The following APCDD1 variants were observed in gnomAD, a reference collection of about 807,000 sequenced individuals.
APCDD1 encodes APC down-regulated 1.
APCDD1 carries 15 observed loss-of-function variants against 38.1 expected under a neutral mutation model. The ratio of observed to expected loss-of-function variants is 0.39; its 90% CI spans 0.26 to 0.61. APCDD1 has a LOEUF of 0.61. Among genes scored for constraint, APCDD1 ranks in the 20% least tolerant of loss-of-function variants. The pLI is 0.49. For missense variants in APCDD1, 647 were observed against 696.2 expected, an observed-to-expected ratio of 0.93 and a Z score of 0.79; for synonymous variants, 261 against 279.7, an observed-to-expected ratio of 0.93 and a Z score of 0.67.
At chr18:10,462,232 C>T (rs561723445) in intron 1 of APCDD1, among the ~76,000 whole-genome samples, 5 of 152,198 alleles carry the variant, frequency 3.3e-5, no homozygotes, top group East Asian at 1.9e-4. Context: ...TGTACTCACA[C>T]GGGAATGGTT....
In APCDD1 at chr18:10,471,056, G is replaced by A. The variant is rs557904824; in HGVS notation, c.243-474G>A. On this transcript the variant is annotated intron_variant, in intron 2 of 4. Coordinates refer to ENST00000355285, the MANE Select transcript of APCDD1 (RefSeq NM_153000.5). This position sits in a 1 kb window ranked among gnomAD's most constrained non-coding sequence, Gnocchi z 5.5. ...TGTAGACAAGGTCCATAAAATAAAAGTGTTCAGGAAGTCGACCGTTTTTGA... is the reference window on the plus strand; with the variant it reads ...TGTAGACAAGGTCCATAAAATAAAAATGTTCAGGAAGTCGACCGTTTTTGA... Among the ~76,000 whole-genome samples the A allele has an allele frequency of 1.7e-3, 259 of 152,334 alleles. 2 individuals are homozygous for A. The highest frequency in any genetic ancestry group is 0.01 in the Middle Eastern group (3 of 294).
At chr18:10,465,514 A>G (rs2030686318) in intron 1 of APCDD1, among the ~76,000 whole-genome samples, 1 of 152,252 alleles carries the variant, frequency 6.6e-6, no homozygotes, top group South Asian at 2.1e-4. Flanking sequence ...AGTGAAGCAA[A>G]TATTTATTGC....
intron 1 of APCDD1, 131 bp downstream of exon 1, chr18:10,455,170 G>A: frequency 7.2e-7 from 1 of 1,394,646 alleles, no homozygotes; most frequent in Non-Finnish European, 9.4e-7. Flanking sequence ...GGGTCCGAGG[G>A]GAGCCCCGCG....
At chr18:10,482,774 A>G (rs552412279) in intron 3 of APCDD1, among the ~76,000 whole-genome samples, 1 of 152,288 alleles carries the variant, frequency 6.6e-6, no homozygotes, top group Non-Finnish European at 1.5e-5. Flanking sequence ...TGGGCACACT[A>G]TGTCATACTA....
At chr18:10,468,922 T>C (rs2030784832) in intron 2 of APCDD1, among the ~76,000 whole-genome samples, 1 of 152,248 alleles carries the variant, frequency 6.6e-6, no homozygotes, top group African/African-American at 2.4e-5. Context: ...TACTGAACTC[T>C]ATGGGACCAC....
intron 3 of APCDD1, among the ~76,000 whole-genome samples, chr18:10,482,239 T>G (rs2031158205): frequency 6.6e-6 from 1 of 152,140 alleles, no homozygotes; most frequent in Non-Finnish European, 1.5e-5. Flanking sequence ...GACTCTCACC[T>G]CCTTAGAATG....
At chr18:10,480,535 G>A (rs2031109725) in intron 3 of APCDD1, among the ~76,000 whole-genome samples, 1 of 152,122 alleles carries the variant, frequency 6.6e-6, no homozygotes, top group Non-Finnish European at 1.5e-5. Flanking sequence ...CTCGTTGACA[G>A]TATCCACAGA....
chr18:10,487,716 A>G lies in APCDD1; in HGVS notation c.1223A>G (p.Asn408Ser), dbSNP rs755938219. 1.9e-6 allele frequency: 3 copies of G among 1,614,134 alleles called. No homozygotes were observed. The highest frequency in any genetic ancestry group is 2.5e-6 in the Non-Finnish European group (3 of 1,180,020). The change falls in exon 5 of 5, where the codon AAT (asparagine) becomes AGT (serine). Residue 408 changes from asparagine to serine, a missense_variant. By Grantham distance (46) the Asn-to-Ser change is conservative (BLOSUM62 1). Transcript: ENST00000355285. ...VGIQQDVTHT[N>S]GCVALGIKLP... is the part of the protein sequence containing the mutation. The stretch of plus-strand genomic sequence containing the variant: ...ATCCAGCAGGATGTGACCCACACCA[A>G]TGGCTGCGTGGCCCTGGGCATCAAA...
At chr18:10,464,470 T>C (rs1017199830) in intron 1 of APCDD1, among the ~76,000 whole-genome samples, 3 of 152,222 alleles carry the variant, frequency 2.0e-5, no homozygotes, top group African/African-American at 7.2e-5. Flanking sequence ...TCACCCAGGC[T>C]GGAGTGCAGT....
At chr18:10,459,182 C>T (rs1003084350) in intron 1 of APCDD1, among the ~76,000 whole-genome samples, 4 of 152,228 alleles carry the variant, frequency 2.6e-5, no homozygotes, top group African/African-American at 9.6e-5. Context: ...GTAGCATTCT[C>T]CCTTCCTTGA....
At chr18:10,479,572 A>G (rs2031086723) in intron 3 of APCDD1, among the ~76,000 whole-genome samples, 1 of 152,334 alleles carries the variant, frequency 6.6e-6, no homozygotes, top group African/African-American at 2.4e-5. Context: ...TTGCTGGGGA[A>G]ACGTCTGTTC....
Position 10,454,654 on chromosome 18 carries a change from G to T in APCDD1, c.-328G>T. ...AAATATGAAGAGACGCTGCAGCTGC[G>T]GTGGCGGTGGCGGCCACTGCAGCTC... On this transcript the variant is annotated 5_prime_UTR_variant, in exon 1 of 5. Coordinates refer to ENST00000355285, the MANE Select transcript of APCDD1 (RefSeq NM_153000.5). The T allele has an allele frequency of 9.6e-7, 1 of 1,036,764 alleles. No individual in the cohort carries two copies. Among genetic ancestry groups the T allele is most frequent in the Non-Finnish European group, 1.2e-6 (1 of 864,600 alleles). The allele number at this position is 1,036,764 out of a possible 1,614,324, so 64.2% of individuals were successfully genotyped here.
At position 10,467,758 on chromosome 18, in the gene APCDD1, A is replaced by C. The variant is rs2030751541; in HGVS notation, c.59-711A>C. ...GGAAGATAATTGGGGGGGAAATGTC[A>C]CACCACGTCCCTATTGTAGGAGGGT... On this transcript the variant is annotated intron_variant, in intron 1 of 4. Coordinates refer to ENST00000355285, the MANE Select transcript of APCDD1 (RefSeq NM_153000.5). This position sits in a 1 kb window ranked among gnomAD's most constrained non-coding sequence, Gnocchi z 4.8. Among the ~76,000 whole-genome samples the C allele has an allele frequency of 6.6e-6, 1 of 152,156 alleles. No homozygotes were observed. Among genetic ancestry groups the C allele is most frequent in the Non-Finnish European group, 1.5e-5 (1 of 68,040 alleles).
At position 10,472,636 on chromosome 18, in the gene APCDD1, G is replaced by A. The variant is rs572834874; in HGVS notation, c.774+575G>A. Among the ~76,000 whole-genome samples the A allele has an allele frequency of 2.5e-4, 38 of 152,142 alleles. 2 individuals carry two copies. The South Asian group carries it at 7.1e-3, about 28-fold the overall frequency. On this transcript the variant is annotated intron_variant, in intron 3 of 4. Transcript: ENST00000355285. This position sits in a 1 kb window ranked among gnomAD's most constrained non-coding sequence, Gnocchi z 6.6. ...GTTATGGCTCCTGCCCAGGCCACGC[G>A]GCTACTGAGTTTTCCTGCTGGACCA... is the stretch of plus-strand genomic sequence containing the variant.
At chr18:10,484,713 C>G (rs966189686) in intron 3 of APCDD1, among the ~76,000 whole-genome samples, 3 of 152,208 alleles carry the variant, frequency 2.0e-5, no homozygotes, top group Middle Eastern at 3.2e-3. Flanking sequence ...ACCAGGGTGT[C>G]CCCAAGGTTC....
At position 10,485,513 on chromosome 18, in the gene APCDD1, C is replaced by A. The variant is rs529396289; in HGVS notation, c.826C>A (p.His276Asn). Residue 276 changes from histidine to asparagine, a missense_variant, in exon 4 of 5, where the codon CAC becomes AAC. Physicochemically the swap from His to Asn is moderately conservative, Grantham distance 68 (BLOSUM62 1). Transcript: ENST00000355285. This position sits in a 1 kb window ranked among gnomAD's most constrained non-coding sequence, Gnocchi z 5.8. ...ACRIIYRSDE[H>N]HPPILPPKAD... ...TCGGATCATCTATCGGTCAGACGAG[C>A]ACCACCCTCCCATCCTGCCCCCAAA... 1.2e-6 allele frequency: 2 copies of A among 1,614,160 alleles called. No homozygotes were observed. Among genetic ancestry groups the A allele is most frequent in the East Asian group, 2.2e-5 (1 of 44,874 alleles).
intron 4 of APCDD1, among the ~76,000 whole-genome samples, chr18:10,486,637 G>C (rs1229070958): frequency 6.6e-6 from 1 of 152,156 alleles, no homozygotes; most frequent in Admixed American, 6.5e-5. Flanking sequence ...GGGGAGGAAG[G>C]AGCTGCACCA....
chr18:10,470,191 A>G lies in APCDD1; in HGVS notation c.243-1339A>G, dbSNP rs2030817115. Among the ~76,000 whole-genome samples, 1 of 152,208 alleles carries G rather than the reference A, an allele frequency of 6.6e-6. No individual in the cohort carries two copies. Among genetic ancestry groups the G allele is most frequent in the Non-Finnish European group, 1.5e-5 (1 of 68,032 alleles). ...AGTGAGTGGGCCTGAGATCCACTGT[A>G]CGTGGCAGGCAGAATCAACAGACTG... On this transcript the variant is annotated intron_variant, in intron 2 of 4. Transcript: ENST00000355285. The surrounding 1 kb of genome is among the most constrained non-coding windows in gnomAD (Gnocchi z 4.1).
In APCDD1 at chr18:10,485,993, T is replaced by C. The variant is rs1372678941; in HGVS notation, c.1096+210T>C. 1.3e-5 allele frequency among the ~76,000 whole-genome samples: 2 copies of C among 152,302 alleles called. No individual in the cohort carries two copies. The highest frequency in any genetic ancestry group is 4.8e-5 in the African/African-American group (2 of 41,564). The stretch of plus-strand genomic sequence containing the variant: ...GGTGGACAGCCTCCACTTGCAGGCC[T>C]GAATGCGAGAGGAGTCCACGCCACT... On this transcript the variant is annotated intron_variant, in intron 4 of 4. Transcript: ENST00000355285. The surrounding 1 kb of genome is among the most constrained non-coding windows in gnomAD (Gnocchi z 5.8).
Sources: gnomAD v4.1 joint callset for allele counts (sites outside exome capture counted in the v4.1 genomes callset) on GRCh38, gnomAD v4.1.1 for gene constraint, Gnocchi (gnomAD v3.1) non-coding constraint, MANE v1.5 for transcripts, NCBI Gene and HGNC (gene_info 2026-07-23, HGNC 2026-07-21) for gene names.